PWWP2B: variants seen among roughly 807,000 people sequenced by gnomAD.
PWWP2B encodes PWWP domain-containing protein 2B.
PWWP2B carries 9 observed loss-of-function variants against 15.5 expected under a neutral mutation model. The ratio of observed to expected loss-of-function variants is 0.58; its 90% CI spans 0.35 to 1.02. The LOEUF (loss-of-function observed/expected upper bound fraction) is 1.02, where lower values mean the gene tolerates loss of function less well. Among genes scored for constraint, PWWP2B ranks in the 50% least tolerant of loss-of-function variants. PWWP2B has a pLI of 0.02. For missense variants in PWWP2B, 864 were observed against 865.3 expected (o/e 1.00, Z 0.02); for synonymous variants, 474 against 403.6 (o/e 1.17, Z -2.09).
chr10:132,415,302 ACACT>A (rs1022603072), intron 2 of PWWP2B, among the ~76,000 whole-genome samples: 47 of 148,748 alleles, frequency 3.2e-4, no homozygotes, highest in East Asian at 1.8e-3. Context: ...ATATCCACTC[ACACT>A]CACACACATC....
At chr10:132,402,465 G>A (rs993296830) in intron 1 of PWWP2B, among the ~76,000 whole-genome samples, 13 of 152,384 alleles carry the variant, frequency 8.5e-5, no homozygotes, top group African/African-American at 2.9e-4. Context: ...GCAAGGGGCC[G>A]TAAGCATGCT....
At chr10:132,409,936 G>A (rs2069755881) in intron 2 of PWWP2B, among the ~76,000 whole-genome samples, 2 of 152,136 alleles carry the variant, frequency 1.3e-5, no homozygotes, top group Non-Finnish European at 2.9e-5. Flanking sequence ...TAGGCAGGAG[G>A]AGGGCAGGGC....
At chr10:132,398,958 C>T (rs1402320558) in intron 1 of PWWP2B, among the ~76,000 whole-genome samples, 1 of 112,022 alleles carries the variant, frequency 8.9e-6, no homozygotes, top group Non-Finnish European at 2.0e-5. Flanking sequence ...AGGACCCCTG[C>T]CCCCTCCCTC....
intron 2 of PWWP2B, among the ~76,000 whole-genome samples, chr10:132,408,488 C>T (rs1049967237): frequency 4.6e-5 from 7 of 152,084 alleles, no homozygotes; most frequent in Admixed American, 2.0e-4. Flanking sequence ...TGGCCATGCC[C>T]GAGGGAGGGG....
chr10:132,409,014 G>A (rs755406780), intron 2 of PWWP2B, among the ~76,000 whole-genome samples: 31 of 152,354 alleles, frequency 2.0e-4, no homozygotes, highest in Admixed American at 1.0e-3. Flanking sequence ...GCCGAGGCTG[G>A]GCTGGCCTCC....
chr10:132,398,727 A>AC (rs893496465), intron 1 of PWWP2B, among the ~76,000 whole-genome samples: 3 of 152,032 alleles, frequency 2.0e-5, no homozygotes, highest in East Asian at 1.9e-4. Context: ...GCCCGATGGG[A>AC]CCCCCGGCGT....
At chr10:132,401,004 G>A (rs1215401928) in intron 1 of PWWP2B, among the ~76,000 whole-genome samples, 9 of 152,234 alleles carry the variant, frequency 5.9e-5, no homozygotes, top group Non-Finnish European at 1.3e-4. Flanking sequence ...GGCAGCCAGG[G>A]CTGTGCTCCT....
intron 2 of PWWP2B, among the ~76,000 whole-genome samples, chr10:132,413,136 A>G (rs2069803478): frequency 6.6e-6 from 1 of 152,220 alleles, no homozygotes; most frequent in African/African-American, 2.4e-5. Context: ...AAACCTTTGC[A>G]GTCAACACAG....
At chr10:132,399,354 G>A (rs1026448466) in intron 1 of PWWP2B, among the ~76,000 whole-genome samples, 3 of 152,234 alleles carry the variant, frequency 2.0e-5, no homozygotes, top group Non-Finnish European at 2.9e-5. Context: ...GAGCGCAGGC[G>A]GCGGGCAGCC....
At chr10:132,408,550 G>A (rs980586104) in intron 2 of PWWP2B, among the ~76,000 whole-genome samples, 2 of 152,200 alleles carry the variant, frequency 1.3e-5, no homozygotes, top group East Asian at 1.9e-4. Context: ...GAGGCCTTCC[G>A]GGGAAGGTCG....
intron 2 of PWWP2B, among the ~76,000 whole-genome samples, chr10:132,410,204 C>T (rs1290408948): frequency 1.3e-5 from 2 of 152,036 alleles, no homozygotes; most frequent in Admixed American, 6.6e-5. Flanking sequence ...AGGGGAGCCA[C>T]GGTCTGTGCC....
chr10:132,417,001 G>C (rs1355613419), intron 2 of PWWP2B, 60 bp from the exon 3 acceptor site: 1 of 1,598,824 alleles, frequency 6.3e-7, no homozygotes, highest in African/African-American at 1.3e-5. Flanking sequence ...GACCTTGAGG[G>C]GCTGGTCCCC....
Position 132,410,029 on chromosome 10 carries a change from G to GAGGAGTGA in PWWP2B, c.*16+3741_*16+3748dup, listed in dbSNP as rs1366237966. 1.3e-4 allele frequency among the ~76,000 whole-genome samples: 20 copies of GAGGAGTGA among 152,324 alleles called. No individual in the cohort carries two copies. The South Asian group carries it at 1.9e-3, about 14-fold the overall frequency. ...GGGTGCTGTTGGAGAATTACAGACAGAGGAGTGAGATGGTCTTGTTATTAT... is the reference window on the plus strand; with the variant it reads ...GGGTGCTGTTGGAGAATTACAGACAGAGGAGTGAAGGAGTGAGATGGTCTTGTTATTAT... On this transcript the variant is annotated intron_variant, in intron 2 of 2. Coordinates refer to ENST00000305233, the MANE Select transcript of PWWP2B (RefSeq NM_138499.4).
rs143637485 is a variant in PWWP2B at position 132,412,088 on chromosome 10, A to C, written c.*17-4973A>C. On this transcript the variant is annotated intron_variant, in intron 2 of 2. Transcript: ENST00000305233. ...CAGCCGGTCCTTGCCGCTTCCTCCC[A>C]GCCAGCAGCTTGGGCATTGAGGCCA... 3.6e-3 allele frequency among the ~76,000 whole-genome samples: 546 copies of C among 152,298 alleles called. 5 individuals are homozygous for C. Among genetic ancestry groups the C allele is most frequent in the African/African-American group, 0.012 (505 of 41,556 alleles).
chr10:132,399,849 T>C (rs1464694410), intron 1 of PWWP2B, among the ~76,000 whole-genome samples: 1 of 152,116 alleles, frequency 6.6e-6, no homozygotes, highest in Non-Finnish European at 1.5e-5. Flanking sequence ...CAGACGAGGC[T>C]CCGAGTGCGG....
intron 2 of PWWP2B, among the ~76,000 whole-genome samples, chr10:132,409,201 G>A (rs1395713041): frequency 6.6e-6 from 1 of 152,244 alleles, no homozygotes. Context: ...GCCTGTGAAT[G>A]GCCTGTGGCC....
intron 2 of PWWP2B, among the ~76,000 whole-genome samples, chr10:132,411,796 T>C (rs996486202): frequency 2.6e-5 from 4 of 152,222 alleles, no homozygotes; most frequent in African/African-American, 9.6e-5. Context: ...AGGCTTCGGC[T>C]TTTCTGATTG....
intron 2 of PWWP2B, among the ~76,000 whole-genome samples, chr10:132,413,004 C>T (rs1376626178): frequency 6.6e-6 from 1 of 152,282 alleles, no homozygotes; most frequent in Non-Finnish European, 1.5e-5. Flanking sequence ...CTGCTGGCAT[C>T]TTTGCCCCCG....
chr10:132,408,964 C>T (rs1030985589), intron 2 of PWWP2B, among the ~76,000 whole-genome samples: 5 of 152,232 alleles, frequency 3.3e-5, no homozygotes, highest in Non-Finnish European at 4.4e-5. Flanking sequence ...GGCTGTGACA[C>T]ACTTGGGCAC....
Sources: gnomAD v4.1 joint callset for allele counts (sites outside exome capture counted in the v4.1 genomes callset) on GRCh38, gnomAD v4.1.1 for gene constraint, MANE v1.5 for transcripts, NCBI Gene and HGNC (gene_info 2026-07-23, HGNC 2026-07-21) for gene names.